ARID1A: variants seen among roughly 807,000 people sequenced by gnomAD.
ARID1A encodes AT-rich interaction domain 1A, also known as AT-rich interactive domain-containing protein 1A.
ARID1A carries 20 observed loss-of-function variants against 212.6 expected under a neutral mutation model. The ratio of observed to expected loss-of-function variants is 0.09; its 90% CI spans 0.07 to 0.14. ARID1A has a LOEUF of 0.14. ARID1A is among the 10% of genes least tolerant of loss of function. ARID1A has a pLI of 1.00. For synonymous variants in ARID1A, 1,376 were observed against 1,222.1 expected, an observed-to-expected ratio of 1.13 and a Z score of -2.63; for missense variants, 2,587 against 3,059.0, an observed-to-expected ratio of 0.85 and a Z score of 3.64.
chr1:26,755,812 C>T (rs1191654927), intron 4 of ARID1A, among the ~76,000 whole-genome samples: 2 of 151,268 alleles, frequency 1.3e-5, no homozygotes, highest in Non-Finnish European at 2.9e-5. Flanking sequence ...GGTGCGATCT[C>T]GGCTCACTGC....
At chr1:26,754,583 T>C (rs892018420) in intron 4 of ARID1A, among the ~76,000 whole-genome samples, 12 of 152,200 alleles carry the variant, frequency 7.9e-5, no homozygotes, top group African/African-American at 2.9e-4. Context: ...AACTGAAGCC[T>C]GACTTGTTGC....
In ARID1A at chr1:26,781,180, CAAA is replaced by C. The variant is rs957140373; in HGVS notation, c.*431_*433del. The stretch of plus-strand genomic sequence containing the variant: ...ATGGTAAAAAAAAAAAAAAAAAATA[CAAA>C]AAAAAATTCTGAAGGACAAAAAAGG... On this transcript the variant is annotated 3_prime_UTR_variant, in exon 20 of 20. Transcript: ENST00000324856. 5 of 221,816 alleles carry C rather than the reference CAAA, an allele frequency of 2.3e-5. No individual in the cohort carries two copies. Among genetic ancestry groups the C allele is most frequent in the South Asian group, 1.9e-4 (1 of 5,252 alleles). 13.7% of individuals were successfully genotyped at this position (221,816 alleles called of 1,614,324 possible).
intron 12 of ARID1A, 58 bp from the exon 13 acceptor site, chr1:26,772,438 TTGTG>T: frequency 6.2e-7 from 1 of 1,609,490 alleles, no homozygotes; most frequent in Non-Finnish European, 8.5e-7. Context: ...GTTCGTGTGT[TTGTG>T]TGAGAGTTAA....
chr1:26,748,940 A>C (rs1349815841), intron 4 of ARID1A, among the ~76,000 whole-genome samples: 1 of 152,030 alleles, frequency 6.6e-6, no homozygotes, highest in South Asian at 2.1e-4. Flanking sequence ...CGAGGCAGGC[A>C]GATCACGAGG....
intron 1 of ARID1A, among the ~76,000 whole-genome samples, chr1:26,705,736 C>T (rs2080385875): frequency 6.6e-6 from 1 of 152,156 alleles, no homozygotes; most frequent in Admixed American, 6.5e-5. Flanking sequence ...CCCCTCCTCT[C>T]CATTTAAATG....
intron 1 of ARID1A, among the ~76,000 whole-genome samples, chr1:26,700,140 GGT>G (rs1220688592): frequency 6.6e-6 from 1 of 152,156 alleles, no homozygotes; most frequent in Non-Finnish European, 1.5e-5. Flanking sequence ...GACTGCTTCA[GGT>G]GTGTGGTAGT....
At chr1:26,734,345 T>TC (rs2080708815) in intron 4 of ARID1A, among the ~76,000 whole-genome samples, 1 of 24,470 alleles carries the variant, frequency 4.1e-5, no homozygotes, top group Non-Finnish European at 6.5e-5. Flanking sequence ...TTTGGCTTCT[T>TC]TTTTTTTTTT....
chr1:26,738,877 T>C (rs920725836), intron 4 of ARID1A, among the ~76,000 whole-genome samples: 4 of 85,636 alleles, frequency 4.7e-5, no homozygotes, highest in African/African-American at 2.4e-4. Context: ...TTTTCTTTTG[T>C]TTTTTTTTTT....
At chr1:26,744,084 C>T (rs993859807) in intron 4 of ARID1A, among the ~76,000 whole-genome samples, 18 of 152,282 alleles carry the variant, frequency 1.2e-4, no homozygotes, top group African/African-American at 3.1e-4. Flanking sequence ...TCCCCACCCC[C>T]TCTGTCATAT....
At chr1:26,710,528 C>CACACACACACACACACACACA (rs1553147494) in intron 1 of ARID1A, among the ~76,000 whole-genome samples, 11 of 148,178 alleles carry the variant, frequency 7.4e-5, no homozygotes, top group South Asian at 2.1e-4. Context: ...CACACACACA[C>CACACACACACACACACACACA]CACTTGTTGT....
intron 4 of ARID1A, among the ~76,000 whole-genome samples, chr1:26,733,451 A>G (rs1179574995): frequency 6.6e-6 from 1 of 152,106 alleles, no homozygotes; most frequent in Non-Finnish European, 1.5e-5. Context: ...GGTGGTGGTG[A>G]ACATTAAATA....
In ARID1A at chr1:26,780,325, C is replaced by T. The variant is rs1353450888; in HGVS notation, c.6427C>T (p.Arg2143Cys). 1 of 1,614,206 alleles carries T rather than the reference C, an allele frequency of 6.2e-7. No individual in the cohort carries two copies. Among genetic ancestry groups the T allele is most frequent in the Admixed American group, 1.7e-5 (1 of 60,032 alleles). The part of the protein sequence containing the change: ...DLILATPPFS[R>C]LEKLYSTMVR... ...GATTCTGGCCACACCCCCCTTCAGC[C>T]GCCTGGAGAAGTTGTATAGCACTAT... Residue 2143 changes from arginine (R) to cysteine (C), a missense_variant, in exon 20 of 20, where the codon CGC (arginine) becomes TGC (cysteine). Arg to Cys is a radical substitution (Grantham distance 180). Around this residue, in one of 11 missense-constraint regions of ARID1A, gnomAD observed 168 missense variants for 321.0 expected, o/e 0.52. Transcript: ENST00000324856. The surrounding 1 kb of genome is among the most constrained non-coding windows in gnomAD (Gnocchi z 7.2).
At chr1:26,703,978 A>C (rs572194448) in intron 1 of ARID1A, among the ~76,000 whole-genome samples, 2 of 152,228 alleles carry the variant, frequency 1.3e-5, no homozygotes, top group Non-Finnish European at 2.9e-5. Context: ...GGCAGGGTTA[A>C]CCTGGGACAG....
At chr1:26,750,053 A>T (rs2080871193) in intron 4 of ARID1A, among the ~76,000 whole-genome samples, 1 of 152,206 alleles carries the variant, frequency 6.6e-6, no homozygotes, top group African/African-American at 2.4e-5. Flanking sequence ...TAATAGCCTG[A>T]TCTTGCTCTG....
At chr1:26,778,993 T>C (rs770342939) in intron 19 of ARID1A, 30 bp from the exon 20 acceptor site, 1 of 1,498,002 alleles carries the variant, frequency 6.7e-7, no homozygotes, top group South Asian at 1.4e-5. Context: ...TTTTCTCCCT[T>C]AATTTATTTC....
At chr1:26,766,662 T>G in intron 10 of ARID1A, 96 bp downstream of exon 10, 1 of 1,250,188 alleles carries the variant, frequency 8.0e-7, no homozygotes, top group Non-Finnish European at 1.1e-6. Context: ...TCCCAGCCTT[T>G]TATGACACCG....
Position 26,780,078 on chromosome 1 carries a change from C to T in ARID1A, c.6180C>T (p.Thr2060=), listed in dbSNP as rs777138350. ...WDCLEMLREN[T]LVTLANISGQ... ...GCTTGGAGATGCTCCGGGAAAACAC[C>T]TTGGTTACACTCGCCAACATCTCGG... The change falls in exon 20 of 20, where the codon ACC becomes ACT. Residue 2060 remains threonine, a synonymous_variant. Coordinates refer to ENST00000324856, the MANE Select transcript of ARID1A (RefSeq NM_006015.6). The surrounding 1 kb of genome is among the most constrained non-coding windows in gnomAD (Gnocchi z 7.2). 5.8e-5 allele frequency: 93 copies of T among 1,614,038 alleles called. No homozygotes were observed. The highest frequency in any genetic ancestry group is 6.6e-5 in the Non-Finnish European group (78 of 1,180,030).
intron 1 of ARID1A, among the ~76,000 whole-genome samples, chr1:26,707,625 G>A (rs1031616712): frequency 6.6e-5 from 10 of 152,148 alleles, no homozygotes; most frequent in African/African-American, 2.2e-4. Flanking sequence ...TTACAGGCGT[G>A]AGCCACTGTG....
Position 26,751,604 on chromosome 1 carries a change from G to T in ARID1A, c.1921-9252G>T, listed in dbSNP as rs148363736. Among the ~76,000 whole-genome samples, 327 of 152,278 alleles carry T rather than the reference G, an allele frequency of 2.1e-3. 3 individuals are homozygous for T. Among genetic ancestry groups the T allele is most frequent in the African/African-American group, 7.0e-3 (290 of 41,548 alleles). ...GGGGGTAATACCTATATCAGAAGAT[G>T]ATTGTGAAAATTAAATGAGAGTCAA... On this transcript the variant is annotated intron_variant, in intron 4 of 19. Coordinates refer to ENST00000324856, the MANE Select transcript of ARID1A (RefSeq NM_006015.6).
Sources: allele counts gnomAD v4.1 joint callset (sites outside exome capture counted in the v4.1 genomes callset), GRCh38; gene constraint gnomAD v4.1.1; regional missense constraint gnomAD v4.1.1; non-coding constraint Gnocchi (gnomAD v3.1); transcripts MANE v1.5; gene names NCBI Gene and HGNC (gene_info 2026-07-23, HGNC 2026-07-21).